Variants in CADM2 observed in about 807,000 individuals in gnomAD.
CADM2 encodes immunoglobulin superfamily member 4D.
In CADM2, 12 loss-of-function variants were observed where a neutral mutation model predicts 49.8. That is an observed-to-expected ratio of 0.24 (90% CI 0.15 to 0.39). The LOEUF (loss-of-function observed/expected upper bound fraction) is 0.39. Ranked by LOEUF, CADM2 falls within the 10% of genes least tolerant of loss-of-function variation. The pLI is 1.00. For missense variants in CADM2, 378 were observed against 492.3 expected, an observed-to-expected ratio of 0.77 and a Z score of 2.20; for synonymous variants, 214 against 175.4, an observed-to-expected ratio of 1.22 and a Z score of -1.74.
rs561110344 is a variant in CADM2 at position 85,782,009 on chromosome 3, A to T, written c.89-20038A>T. On this transcript the variant is annotated intron_variant, in intron 2 of 9. Transcript: ENST00000383699. ...GCTTTGCTACTTTGCTCAAAACGAC[A>T]TGCCCTTTCCAAAGTAATCATGGAA... is the stretch of plus-strand genomic sequence containing the variant. 2.6e-5 allele frequency among the ~76,000 whole-genome samples: 4 copies of T among 152,342 alleles called. No homozygotes were observed. In the South Asian group the frequency reaches 8.3e-4, roughly 32 times the overall value.
At chr3:85,801,929 C>T (rs1026960856) in intron 2 of CADM2, 118 bp from the exon 3 acceptor site, 19 of 773,874 alleles carry the variant, frequency 2.5e-5, no homozygotes, top group Non-Finnish European at 3.6e-5. Flanking sequence ...ACAGTTTTGT[C>T]GTTGTTTGGT....
At chr3:85,338,101 A>G (rs986486857) in intron 1 of CADM2, among the ~76,000 whole-genome samples, 2 of 151,636 alleles carry the variant, frequency 1.3e-5, no homozygotes, top group Non-Finnish European at 3.0e-5. Flanking sequence ...TGATATTAAC[A>G]TTCCTTATCA....
intron 1 of CADM2, among the ~76,000 whole-genome samples, chr3:85,194,075 A>C (rs2041278903): frequency 6.6e-6 from 1 of 152,288 alleles, no homozygotes; most frequent in African/African-American, 2.4e-5. Context: ...CTAAAGAAGT[A>C]GTTTATGAAC....
At chr3:85,721,505 G>A (rs570376917) in intron 1 of CADM2, among the ~76,000 whole-genome samples, 123 of 152,268 alleles carry the variant, frequency 8.1e-4, no homozygotes, top group Non-Finnish European at 1.4e-3. Flanking sequence ...GTGTGGAATG[G>A]TGAGGGGTGT....
chr3:85,371,076 T>A (rs558062409), intron 1 of CADM2, among the ~76,000 whole-genome samples: 4 of 152,196 alleles, frequency 2.6e-5, no homozygotes, highest in East Asian at 1.9e-4. Flanking sequence ...GTCAAAAAAA[T>A]TCTAAAAGCA....
chr3:85,032,414 A>C (rs1163818529), intron 1 of CADM2, among the ~76,000 whole-genome samples: 1 of 152,202 alleles, frequency 6.6e-6, no homozygotes, highest in Non-Finnish European at 1.5e-5. Flanking sequence ...GGGGACGCTC[A>C]GAATCAAAAG....
intron 8 of CADM2, among the ~76,000 whole-genome samples, chr3:85,987,795 T>C (rs1422763066): frequency 2.0e-5 from 3 of 151,100 alleles, no homozygotes; most frequent in Non-Finnish European, 3.0e-5. Context: ...ATTAATCTGT[T>C]CTATATTTAA....
intron 1 of CADM2, among the ~76,000 whole-genome samples, chr3:85,502,337 T>C (rs2040153184): frequency 6.6e-6 from 1 of 152,096 alleles, no homozygotes; most frequent in Non-Finnish European, 1.5e-5. Context: ...ATTAGACTCT[T>C]GAGAAAGGCT....
intron 1 of CADM2, among the ~76,000 whole-genome samples, chr3:85,218,467 T>G (rs2041978712): frequency 6.6e-6 from 1 of 152,104 alleles, no homozygotes; most frequent in African/African-American, 2.4e-5. Context: ...TAGAGATGAT[T>G]AAGAGAAATG....
intron 1 of CADM2, among the ~76,000 whole-genome samples, chr3:85,713,184 G>A (rs535072575): frequency 6.6e-6 from 1 of 152,070 alleles, no homozygotes; most frequent in Admixed American, 6.6e-5. Context: ...TGCAACCTCC[G>A]CCTCCCGGGT....
chr3:85,885,911 T>A (rs1713582694), intron 4 of CADM2, among the ~76,000 whole-genome samples: 2 of 151,142 alleles, frequency 1.3e-5, no homozygotes, highest in South Asian at 4.2e-4. Context: ...GCTATATGCA[T>A]CTTACATACT....
At chr3:85,786,413 G>A (rs1174859093) in intron 2 of CADM2, among the ~76,000 whole-genome samples, 2 of 151,916 alleles carry the variant, frequency 1.3e-5, no homozygotes, top group Non-Finnish European at 2.9e-5. Flanking sequence ...ATAGGGTAAT[G>A]TTCCCCTAGA....
chr3:85,932,029 G>A (rs77998488), intron 6 of CADM2, among the ~76,000 whole-genome samples: 6,148 of 151,196 alleles, frequency 0.041, 255 homozygotes, highest in East Asian at 0.13. Flanking sequence ...ATTTTGTTTC[G>A]TTATCAGAGT....
chr3:85,363,210 T>C (rs879058812), intron 1 of CADM2, among the ~76,000 whole-genome samples: 1 of 152,184 alleles, frequency 6.6e-6, no homozygotes, highest in African/African-American at 2.4e-5. Flanking sequence ...TCTCCTTGTA[T>C]AGAGTTTTAC....
At chr3:85,681,513 A>T (rs1559589565) in intron 1 of CADM2, among the ~76,000 whole-genome samples, 1 of 152,076 alleles carries the variant, frequency 6.6e-6, no homozygotes, top group Non-Finnish European at 1.5e-5. Flanking sequence ...TCTCTAAATG[A>T]TAATCATTTA....
At chr3:85,663,986 C>T (rs2065487901) in intron 1 of CADM2, among the ~76,000 whole-genome samples, 1 of 151,958 alleles carries the variant, frequency 6.6e-6, no homozygotes, top group Non-Finnish European at 1.5e-5. Flanking sequence ...ATATTTTATG[C>T]ACTTGGTTAC....
chr3:85,216,537 G>T lies in CADM2; in HGVS notation c.61+256869G>T, dbSNP rs532914217. 2.0e-5 allele frequency among the ~76,000 whole-genome samples: 3 copies of T among 151,814 alleles called. No homozygotes were observed. The South Asian group carries it at 6.2e-4, about 32-fold the overall frequency. ...AAAAAAATTACAGAAGACATGCCCA[G>T]AAAGCCACATCTTTTGATACAATAA... is the stretch of plus-strand genomic sequence containing the variant. On this transcript the variant is annotated intron_variant, in intron 1 of 9. Coordinates refer to ENST00000383699, the MANE Select transcript of CADM2 (RefSeq NM_001167675.2).
intron 4 of CADM2, among the ~76,000 whole-genome samples, chr3:85,885,446 G>T (rs1304856948): frequency 6.6e-6 from 1 of 151,924 alleles, no homozygotes; most frequent in Non-Finnish European, 1.5e-5. Context: ...GCTGAAGTGG[G>T]CAGATCACGA....
intron 3 of CADM2, among the ~76,000 whole-genome samples, chr3:85,878,780 A>T (rs1712299605): frequency 6.6e-6 from 1 of 152,100 alleles, no homozygotes; most frequent in Admixed American, 6.6e-5. Flanking sequence ...TGGTGATGTT[A>T]TATAGGTTCC....
Sources: allele counts gnomAD v4.1 joint callset (sites outside exome capture counted in the v4.1 genomes callset), GRCh38; gene constraint gnomAD v4.1.1; transcripts MANE v1.5; gene names NCBI Gene and HGNC (gene_info 2026-07-23, HGNC 2026-07-21).